Variants in DEK observed in about 807,000 individuals in gnomAD.
DEK encodes the protein protein DEK.
DEK carries 28 observed loss-of-function variants against 46.8 expected under a neutral mutation model. The ratio of observed to expected loss-of-function variants is 0.60; its 90% CI spans 0.44 to 0.82. The LOEUF is 0.82. DEK is among the 40% of genes least tolerant of loss of function. DEK has a pLI of 0.00. For synonymous variants in DEK, 160 were observed against 144.5 expected, an observed-to-expected ratio of 1.11 and a Z score of -0.77; for missense variants, 416 against 430.6, an observed-to-expected ratio of 0.97 and a Z score of 0.30.
intron 6 of DEK, among the ~76,000 whole-genome samples, chr6:18,252,526 A>G (rs1404509961): frequency 1.3e-5 from 2 of 150,638 alleles, no homozygotes; most frequent in African/African-American, 2.4e-5. Flanking sequence ...AAAAAAAAAA[A>G]AAAAAAAAAG....
intron 7 of DEK, 146 bp from the exon 8 acceptor site, chr6:18,237,662 G>T: frequency 1.9e-6 from 2 of 1,060,772 alleles, no homozygotes; most frequent in Middle Eastern, 2.1e-4. Flanking sequence ...TTTGAGAGAT[G>T]ACTAATATAC....
intron 2 of DEK, among the ~76,000 whole-genome samples, chr6:18,260,462 T>C (rs1191330198): frequency 6.6e-6 from 1 of 152,158 alleles, no homozygotes. Flanking sequence ...AAAATCATAA[T>C]CATCTCCAAA....
chr6:18,255,299 A>G (rs1791552977), intron 6 of DEK, among the ~76,000 whole-genome samples: 1 of 152,184 alleles, frequency 6.6e-6, no homozygotes. Flanking sequence ...TTTAAATGTC[A>G]CTTTTTAATA....
intron 5 of DEK, among the ~76,000 whole-genome samples, 190 bp downstream of exon 5, chr6:18,256,171 G>C (rs927901028): frequency 2.0e-5 from 3 of 151,954 alleles, no homozygotes; most frequent in African/African-American, 7.3e-5. Flanking sequence ...ATCTTTAGTG[G>C]AGACGGGGTT....
At chr6:18,233,171 G>A (rs556385953) in intron 9 of DEK, among the ~76,000 whole-genome samples, 1 of 151,986 alleles carries the variant, frequency 6.6e-6, no homozygotes, top group African/African-American at 2.4e-5. Context: ...AAACTGGATC[G>A]CTTCTTTACA....
chr6:18,230,854 A>G (rs908758476), intron 9 of DEK, among the ~76,000 whole-genome samples: 1 of 152,224 alleles, frequency 6.6e-6, no homozygotes, highest in African/African-American at 2.4e-5. Flanking sequence ...CAGGAATTGA[A>G]CTCAGCTCTG....
intron 6 of DEK, among the ~76,000 whole-genome samples, chr6:18,255,476 T>C (rs1294171106): frequency 6.6e-6 from 1 of 152,248 alleles, no homozygotes; most frequent in Non-Finnish European, 1.5e-5. Flanking sequence ...CTACTAGTAC[T>C]TTCTGTCCCT....
chr6:18,237,382 T>A lies in DEK; in HGVS notation c.897A>T (p.Lys299Asn), dbSNP rs1197021194. The change falls in exon 8 of 11, where the codon AAA (lysine) becomes AAT (asparagine). Residue 299 changes from lysine to asparagine, a missense_variant and splice_region_variant. Lys to Asn is a moderately conservative substitution (Grantham distance 94, BLOSUM62 0). Transcript: ENST00000652689. ...TTKKNQNSSK[K>N]ESESEDSSDD... Reference sequence around the variant, plus strand: ...TGATTAATGTTATTTCTAACATACCTTTTTTGGAACTGTTTTGATTCTTCT... The same window carrying A: ...TGATTAATGTTATTTCTAACATACCATTTTTGGAACTGTTTTGATTCTTCT... The A allele has an allele frequency of 6.3e-7, 1 of 1,589,288 alleles. No homozygotes were observed. Among genetic ancestry groups the A allele is most frequent in the Non-Finnish European group, 8.5e-7 (1 of 1,174,146 alleles).
Position 18,225,426 on chromosome 6 carries a change from A to C in DEK, c.*293T>G. On this transcript the variant is annotated 3_prime_UTR_variant, in exon 11 of 11. Transcript: ENST00000652689. ...TATTAAGTGCACTAAAAACCACAAC[A>C]GCTCAAGAATCTATGACCTTATATA... The C allele has an allele frequency of 2.9e-6, 1 of 349,146 alleles. No individual in the cohort carries two copies. The highest frequency in any genetic ancestry group is 5.2e-6 in the Non-Finnish European group (1 of 192,808). 21.6% of individuals were successfully genotyped at this position (349,146 alleles called of 1,614,324 possible). A position where few individuals can be genotyped will look rare whatever the true frequency, so the allele number is the denominator to read the frequency against.
intron 2 of DEK, among the ~76,000 whole-genome samples, chr6:18,263,434 A>G (rs772244285): frequency 3.3e-5 from 5 of 152,190 alleles, no homozygotes; most frequent in African/African-American, 7.2e-5. Flanking sequence ...AGACCTTACA[A>G]TAACTTCAAA....
chr6:18,242,226 G>C (rs988212714), intron 7 of DEK, among the ~76,000 whole-genome samples: 1 of 152,176 alleles, frequency 6.6e-6, no homozygotes, highest in African/African-American at 2.4e-5. Flanking sequence ...AGTCAGGCGT[G>C]GTGGCATGCA....
chr6:18,250,290 A>G (rs955098405), intron 6 of DEK, among the ~76,000 whole-genome samples: 2 of 152,112 alleles, frequency 1.3e-5, no homozygotes, highest in Non-Finnish European at 2.9e-5. Flanking sequence ...TAACACGGTG[A>G]AACCCCGTCT....
At position 18,264,450 on chromosome 6, in the gene DEK, G is replaced by A. The variant is rs1792026994; in HGVS notation, c.-75C>T. The A allele has an allele frequency of 7.2e-6, 2 of 278,978 alleles. No homozygotes were observed. Among genetic ancestry groups the A allele is most frequent in the South Asian group, 2.9e-5 (1 of 34,148 alleles). 17.3% of individuals were successfully genotyped at this position (278,978 alleles called of 1,614,324 possible). A position where few individuals can be genotyped will look rare whatever the true frequency, so the allele number is the denominator to read the frequency against. ...GAGGAGGTTCTGGGAGGCGGCGGCG[G>A]CCGACGCCGAGGAGAAGGCGCGCGG... On this transcript the variant is annotated 5_prime_UTR_variant, in exon 1 of 11. Coordinates refer to ENST00000652689, the MANE Select transcript of DEK (RefSeq NM_003472.4).
At chr6:18,255,144 T>A (rs377509717) in intron 6 of DEK, among the ~76,000 whole-genome samples, 65 of 152,344 alleles carry the variant, frequency 4.3e-4, no homozygotes, top group African/African-American at 1.6e-3. Flanking sequence ...ACCTATGTCA[T>A]TCGTTACCAT....
At chr6:18,236,924 C>T (rs545505470) in intron 8 of DEK, 6 of 201,756 alleles carry the variant, frequency 3.0e-5, no homozygotes, top group Non-Finnish European at 2.9e-5. Flanking sequence ...TGTGACGGGT[C>T]GCAGTCAAAA....
rs753244650 is a variant in DEK, at chr6:18,264,369, C to T, written c.-10+16G>A. On this transcript the variant is annotated intron_variant, in intron 1 of 10. Coordinates refer to ENST00000652689, the MANE Select transcript of DEK (RefSeq NM_003472.4). ...CAGGGGCGACCGGGCCTCCGGCGTC[C>T]CGAAGCAGCCCTTACCGCGGATTTC... 1.0e-5 allele frequency: 2 copies of T among 193,132 alleles called. No individual in the cohort carries two copies. Among genetic ancestry groups the T allele is most frequent in the South Asian group, 1.3e-4 (2 of 15,848 alleles). The allele number at this position is 193,132 out of a possible 1,614,324, so 12.0% of individuals were successfully genotyped here.
Position 18,256,431 on chromosome 6 carries a change from C to T in DEK, c.382G>A (p.Gly128Ser). 1 of 1,612,510 alleles carries T rather than the reference C, an allele frequency of 6.2e-7. No homozygotes were observed. Among genetic ancestry groups the T allele is most frequent in the Admixed American group, 1.7e-5 (1 of 59,850 alleles). The change falls in exon 5 of 11, where the codon GGT (glycine) becomes AGT (serine). Residue 128 changes from glycine to serine, a missense_variant. Physicochemically the swap from Gly to Ser is moderately conservative, Grantham distance 56. Coordinates refer to ENST00000652689, the MANE Select transcript of DEK (RefSeq NM_003472.4). ...TCAAATGGAAAGCCACTGAACTGAC[C>T]CACATTCTTCTTTAATGAGGACACC... The part of the protein sequence containing the change: ...GTVSSLKKNV[G>S]QFSGFPFEKG...
intron 9 of DEK, among the ~76,000 whole-genome samples, chr6:18,229,125 G>C (rs879473770): frequency 7.9e-5 from 12 of 151,956 alleles, no homozygotes; most frequent in Non-Finnish European, 1.6e-4. Context: ...AGGCAAACAG[G>C]GTCTGCAGTG....
intron 9 of DEK, among the ~76,000 whole-genome samples, chr6:18,233,910 C>T (rs376471137): frequency 7.9e-5 from 12 of 152,198 alleles, no homozygotes; most frequent in South Asian, 4.2e-4. Flanking sequence ...ATGTTTATTG[C>T]GGCACTATTC....
Sources: allele counts gnomAD v4.1 joint callset (sites outside exome capture counted in the v4.1 genomes callset), GRCh38; gene constraint gnomAD v4.1.1; transcripts MANE v1.5; gene names NCBI Gene and HGNC (gene_info 2026-07-23, HGNC 2026-07-21).